The following TAFA2 variants were observed in gnomAD, a reference collection of about 807,000 sequenced individuals.
TAFA2 encodes chemokine-like protein TAFA-2.
TAFA2 carries 7 observed loss-of-function variants against 18.8 expected under a neutral mutation model. The ratio of observed to expected loss-of-function variants is 0.37; its 90% CI spans 0.21 to 0.70. TAFA2 has a LOEUF of 0.70. Ranked by LOEUF, TAFA2 falls within the 30% of genes least tolerant of loss-of-function variation. The pLI, the probability that TAFA2 is intolerant of heterozygous loss-of-function variation, is 0.53. For synonymous variants in TAFA2, 60 were observed against 54.2 expected, an observed-to-expected ratio of 1.11 and a Z score of -0.47; for missense variants, 122 against 158.1, an observed-to-expected ratio of 0.77 and a Z score of 1.23.
rs562612874 is a variant in TAFA2, at chr12:61,824,483, A to G, written c.106+42837T>C. 4.6e-5 allele frequency among the ~76,000 whole-genome samples: 7 copies of G among 152,304 alleles called. No homozygotes were observed. The East Asian group carries it at 1.4e-3, about 29-fold the overall frequency. On this transcript the variant is annotated intron_variant, in intron 2 of 4. Transcript: ENST00000416284. The stretch of plus-strand genomic sequence containing the variant: ...TATAGAGTATGTATTAGTGCCATAC[A>G]CTTAGGCAGTAAAAATCATACTGAC...
intron 1 of TAFA2, among the ~76,000 whole-genome samples, chr12:62,241,957 T>TAG (rs2062864942): frequency 6.6e-6 from 1 of 152,182 alleles, no homozygotes; most frequent in Non-Finnish European, 1.5e-5. Context: ...TCACCAGGCA[T>TAG]AGATGAAGAT....
At chr12:61,732,755 G>C (rs1301188078) in intron 4 of TAFA2, among the ~76,000 whole-genome samples, 1 of 151,200 alleles carries the variant, frequency 6.6e-6, no homozygotes, top group East Asian at 1.9e-4. Flanking sequence ...GTGTGTGTGT[G>C]CGTGCGTGCG....
At chr12:62,251,713 T>C (rs916147193) in intron 1 of TAFA2, among the ~76,000 whole-genome samples, 26 of 152,180 alleles carry the variant, frequency 1.7e-4, no homozygotes, top group Admixed American at 1.4e-3. Flanking sequence ...CACAGTTGTT[T>C]CCAATAGAGG....
intron 1 of TAFA2, among the ~76,000 whole-genome samples, chr12:62,166,544 C>CT (rs1179948368): frequency 6.6e-6 from 1 of 152,088 alleles, no homozygotes. Context: ...CTTCCTTTCC[C>CT]TTTTTTTCTC....
chr12:61,805,676 A>G (rs1871581778), intron 2 of TAFA2, among the ~76,000 whole-genome samples: 2 of 152,148 alleles, frequency 1.3e-5, no homozygotes, highest in Non-Finnish European at 1.5e-5. Flanking sequence ...GAATGAATAT[A>G]TACCTGCAGA....
chr12:62,066,692 A>G (rs1370163986), intron 1 of TAFA2, among the ~76,000 whole-genome samples: 1 of 152,054 alleles, frequency 6.6e-6, no homozygotes, highest in Non-Finnish European at 1.5e-5. Flanking sequence ...TATGTGTACC[A>G]CATTTTCTTT....
rs1218688504 is a variant in TAFA2 at position 61,946,082 on chromosome 12, C to G, written c.-1-78656G>C. On this transcript the variant is annotated intron_variant, in intron 1 of 4. Coordinates refer to ENST00000416284, the MANE Select transcript of TAFA2 (RefSeq NM_178539.5). ...TACTACAAGGCTACAGTAACCAAAA[C>G]AGCATGGTACTGGTACCAAAACAGA... Among the ~76,000 whole-genome samples, 6 of 141,172 alleles carry G rather than the reference C, an allele frequency of 4.3e-5. 1 individual carries two copies. In the South Asian group the frequency reaches 1.4e-3, roughly 33 times the overall value. The allele number at this position is 141,172 out of a possible 152,430, so 92.6% of individuals were successfully genotyped here.
At chr12:61,779,547 A>G (rs1348161718) in intron 2 of TAFA2, among the ~76,000 whole-genome samples, 1 of 151,838 alleles carries the variant, frequency 6.6e-6, no homozygotes, top group Non-Finnish European at 1.5e-5. Context: ...GTTCTGCTAA[A>G]GCCTACCTTT....
intron 1 of TAFA2, among the ~76,000 whole-genome samples, chr12:62,129,776 C>A (rs1870608249): frequency 6.6e-6 from 1 of 151,934 alleles, no homozygotes. Flanking sequence ...ATGCTTCTAG[C>A]ACCTCTTCCT....
chr12:62,122,529 C>A (rs1042129551), intron 1 of TAFA2, among the ~76,000 whole-genome samples: 1 of 152,082 alleles, frequency 6.6e-6, no homozygotes, highest in East Asian at 1.9e-4. Context: ...CTATCATTAT[C>A]GTGTGGTTTT....
chr12:61,867,462 C>A (rs1321336335), intron 1 of TAFA2, 36 bp from the exon 2 acceptor site: 3 of 1,268,022 alleles, frequency 2.4e-6, no homozygotes, highest in Non-Finnish European at 3.4e-6. Flanking sequence ...CATAAGTATG[C>A]AAATTCATAG....
At chr12:62,223,992 ATCT>A (rs1357678866) in intron 1 of TAFA2, among the ~76,000 whole-genome samples, 1 of 152,012 alleles carries the variant, frequency 6.6e-6, no homozygotes, top group East Asian at 1.9e-4. Flanking sequence ...TACACCTATA[ATCT>A]TATTATTCAC....
At chr12:61,841,624 T>TG (rs1414501523) in intron 2 of TAFA2, among the ~76,000 whole-genome samples, 1 of 152,118 alleles carries the variant, frequency 6.6e-6, no homozygotes, top group Non-Finnish European at 1.5e-5. Flanking sequence ...TTGGAATATT[T>TG]GGAGACTTTT....
chr12:61,754,177 T>C (rs1254139745), intron 3 of TAFA2, among the ~76,000 whole-genome samples: 1 of 152,004 alleles, frequency 6.6e-6, no homozygotes, highest in Non-Finnish European at 1.5e-5. Flanking sequence ...CAACACTTTA[T>C]AATCAATATA....
upstream of TAFA2, among the ~76,000 whole-genome samples, chr12:62,193,970 T>C (rs1483976189): frequency 6.6e-6 from 1 of 152,190 alleles, no homozygotes; most frequent in African/African-American, 2.4e-5. Flanking sequence ...AAGGCAAGTT[T>C]TACCGTAACT....
chr12:61,970,877 A>T (rs1879224288), intron 1 of TAFA2, among the ~76,000 whole-genome samples: 1 of 151,626 alleles, frequency 6.6e-6, no homozygotes, highest in African/African-American at 2.4e-5. Context: ...TCAAAGACTA[A>T]TTCTATACAG....
chr12:62,177,803 G>A (rs764758504), intron 1 of TAFA2, among the ~76,000 whole-genome samples: 1 of 152,094 alleles, frequency 6.6e-6, no homozygotes, highest in Non-Finnish European at 1.5e-5. Flanking sequence ...TCCAAGACCA[G>A]TTCGTTTCAT....
intron 1 of TAFA2, among the ~76,000 whole-genome samples, chr12:62,202,826 T>C (rs904525459): frequency 2.9e-5 from 4 of 137,354 alleles, no homozygotes; most frequent in East Asian, 2.1e-4. Flanking sequence ...TGGTTCTTTT[T>C]TTTTTTTTTT....
intron 1 of TAFA2, among the ~76,000 whole-genome samples, chr12:62,057,002 G>C (rs567177987): frequency 6.6e-6 from 1 of 152,312 alleles, no homozygotes; most frequent in South Asian, 2.1e-4. Flanking sequence ...TTGGTGTCAA[G>C]AGTGTACGTA....
Sources: gnomAD v4.1 joint callset for allele counts (sites outside exome capture counted in the v4.1 genomes callset) on GRCh38, gnomAD v4.1.1 for gene constraint, MANE v1.5 for transcripts, NCBI Gene and HGNC (gene_info 2026-07-23, HGNC 2026-07-21) for gene names.